NBAS: variants seen among roughly 807,000 people sequenced by gnomAD.
The protein encoded by NBAS is NBAS subunit of NRZ tethering complex, also known as NAG/BC035112 fusion.
NBAS carries 219 observed loss-of-function variants against 302.5 expected under a neutral mutation model. The observed-to-expected ratio is 0.72, with a 90% CI of 0.65 to 0.81. The LOEUF is 0.81. Ranked by LOEUF, NBAS falls within the 30% of genes least tolerant of loss-of-function variation. The pLI is 0.00. For missense variants in NBAS, 2,932 were observed against 2,841.6 expected (o/e 1.03, Z -0.72); for synonymous variants, 1,118 against 1,021.6 (o/e 1.09, Z -1.80).
chr2:15,150,183 A>C, the NBAS span, among the ~76,000 whole-genome samples: 1 of 152,172 alleles, frequency 6.6e-6, no homozygotes. Flanking sequence ...TTACATTTGC[A>C]TGAATGTGTT....
the NBAS span, among the ~76,000 whole-genome samples, chr2:14,885,982 T>G: frequency 3.3e-5 from 5 of 152,150 alleles, no homozygotes; most frequent in Non-Finnish European, 7.3e-5. Flanking sequence ...ACGAGCAACT[T>G]CCTTTGAGAA....
At chr2:15,000,094 C>T in the NBAS span, among the ~76,000 whole-genome samples, 2 of 152,174 alleles carry the variant, frequency 1.3e-5, no homozygotes, top group Admixed American at 6.5e-5. Context: ...TATTTTATTA[C>T]TTAAAAATGT....
intron 23 of NBAS, 30 bp from the exon 24 acceptor site, chr2:15,417,742 G>C (rs764700725): frequency 1.3e-6 from 2 of 1,592,750 alleles, no homozygotes; most frequent in Non-Finnish European, 8.6e-7. Flanking sequence ...ATAAGTTCCT[G>C]AGTATTATAT....
chr2:15,106,451 G>GTCTC, the NBAS span, among the ~76,000 whole-genome samples: 10,770 of 147,822 alleles, frequency 0.073, 477 homozygotes, highest in Non-Finnish European at 0.1. Flanking sequence ...CTCTGTCTCT[G>GTCTC]TCTCTCTCTC....
intron 44 of NBAS, among the ~76,000 whole-genome samples, chr2:15,273,650 G>A (rs1669433083): frequency 6.6e-6 from 1 of 152,172 alleles, no homozygotes; most frequent in African/African-American, 2.4e-5. Flanking sequence ...CTGTCTCAAG[G>A]AAGCAGAAGT....
chr2:14,902,644 T>C, the NBAS span, among the ~76,000 whole-genome samples: 1 of 152,174 alleles, frequency 6.6e-6, no homozygotes, highest in African/African-American at 2.4e-5. Context: ...TCATTGGCAA[T>C]GAGACCTATT....
At chr2:15,337,554 C>T (rs1672647534) in intron 35 of NBAS, among the ~76,000 whole-genome samples, 1 of 152,154 alleles carries the variant, frequency 6.6e-6, no homozygotes, top group Admixed American at 6.5e-5. Flanking sequence ...GTGCTTCTGT[C>T]CAAATGGATG....
chr2:14,868,211 C>G, the NBAS span, among the ~76,000 whole-genome samples: 1 of 152,180 alleles, frequency 6.6e-6, no homozygotes, highest in Non-Finnish European at 1.5e-5. Context: ...GTCTGGTTCT[C>G]AAGTTTTTGA....
At chr2:15,266,075 G>A (rs903769174) in intron 44 of NBAS, among the ~76,000 whole-genome samples, 4 of 152,178 alleles carry the variant, frequency 2.6e-5, no homozygotes, top group Non-Finnish European at 1.5e-5. Context: ...GTGATAGTGA[G>A]TGAGTTCTCA....
rs1679566849 is a variant in NBAS at position 15,462,886 on chromosome 2, T to C, written c.2098-1095A>G. Among the ~76,000 whole-genome samples, 3 of 152,120 alleles carry C rather than the reference T, an allele frequency of 2.0e-5. No individual in the cohort carries two copies. The South Asian group carries it at 6.2e-4, about 32-fold the overall frequency. On this transcript the variant is annotated intron_variant, in intron 19 of 51. Transcript: ENST00000281513. Reference sequence around the variant, plus strand: ...AAGGATGAACAAGGAAAAGGGAACCTGCATCTGAAAAGTAGATGGAGGAAC... The same window carrying C: ...AAGGATGAACAAGGAAAAGGGAACCCGCATCTGAAAAGTAGATGGAGGAAC...
the NBAS span, among the ~76,000 whole-genome samples, chr2:14,828,777 A>G: frequency 0.046 from 6,958 of 152,206 alleles, 188 homozygotes; most frequent in Non-Finnish European, 0.059. Context: ...AATCCATAGG[A>G]CTTGCTGATG....
At chr2:15,063,322 T>G in the NBAS span, among the ~76,000 whole-genome samples, 1 of 152,228 alleles carries the variant, frequency 6.6e-6, no homozygotes, top group East Asian at 1.9e-4. Context: ...CCCCTGTTCA[T>G]TGGCTCATCC....
At chr2:14,863,003 A>G in the NBAS span, among the ~76,000 whole-genome samples, 2 of 152,246 alleles carry the variant, frequency 1.3e-5, no homozygotes, top group South Asian at 2.1e-4. Flanking sequence ...GTGACACATC[A>G]GTGGCATGTT....
intron 7 of NBAS, 75 bp from the exon 8 acceptor site, chr2:15,536,626 A>C: frequency 1.1e-4 from 134 of 1,240,986 alleles, no homozygotes; most frequent in Non-Finnish European, 1.4e-4. Context: ...TAATTAGAGA[A>C]TATCTGATAC....
chr2:15,154,552 T>C, the NBAS span, among the ~76,000 whole-genome samples: 5 of 152,344 alleles, frequency 3.3e-5, no homozygotes, highest in African/African-American at 1.2e-4. Flanking sequence ...GTGTACCTTC[T>C]ACATTCTTGC....
chr2:15,298,005 A>G (rs905531796), intron 40 of NBAS, among the ~76,000 whole-genome samples: 1 of 151,978 alleles, frequency 6.6e-6, no homozygotes, highest in Non-Finnish European at 1.5e-5. Context: ...TTTCTGTTAA[A>G]CTCCCTGAAA....
At chr2:15,285,448 C>T (rs1669994650) in intron 42 of NBAS, among the ~76,000 whole-genome samples, 1 of 152,106 alleles carries the variant, frequency 6.6e-6, no homozygotes, top group South Asian at 2.1e-4. Flanking sequence ...AGACTTCAAG[C>T]ACTGCCTCAA....
At chr2:15,103,615 C>T in the NBAS span, among the ~76,000 whole-genome samples, 3 of 152,270 alleles carry the variant, frequency 2.0e-5, no homozygotes, top group East Asian at 5.8e-4. Flanking sequence ...ATGCTTGGCA[C>T]AGGGAAGCTT....
chr2:15,295,345 A>G (rs1007504215), intron 40 of NBAS, among the ~76,000 whole-genome samples: 6 of 152,238 alleles, frequency 3.9e-5, no homozygotes, highest in African/African-American at 1.4e-4. Context: ...GCATGTGACA[A>G]AAAGACAGTA....
Sources: allele counts gnomAD v4.1 joint callset (sites outside exome capture counted in the v4.1 genomes callset), GRCh38; gene constraint gnomAD v4.1.1; transcripts MANE v1.5; gene names NCBI Gene and HGNC (gene_info 2026-07-23, HGNC 2026-07-21).